The following DOCK2 variants were observed in gnomAD, a reference collection of about 807,000 sequenced individuals.
The protein encoded by DOCK2 is dedicator of cytokinesis protein 2.
Under a neutral mutation model 248.9 loss-of-function variants are expected in DOCK2, and 87 were observed. The observed-to-expected ratio is 0.35, with a 90% CI of 0.29 to 0.42. DOCK2 has a LOEUF of 0.42. Among genes scored for constraint, DOCK2 ranks in the 10% least tolerant of loss-of-function variants. The pLI is 1.00. For synonymous variants in DOCK2, 805 were observed against 821.6 expected (o/e 0.98, Z 0.35); for missense variants, 1,747 against 2,300.2 (o/e 0.76, Z 4.92).
chr5:169,694,994 A>T (rs1266926609), intron 9 of DOCK2, among the ~76,000 whole-genome samples: 1 of 152,156 alleles, frequency 6.6e-6, no homozygotes, highest in East Asian at 1.9e-4. Flanking sequence ...AAAATAAATA[A>T]ATAAACAAAC....
At chr5:169,716,534 G>C (rs532663327) in intron 20 of DOCK2, among the ~76,000 whole-genome samples, 143 of 152,328 alleles carry the variant, frequency 9.4e-4, no homozygotes, top group African/African-American at 3.4e-3. Flanking sequence ...TTTAAATGCT[G>C]ATGTCAGATT....
intron 28 of DOCK2, among the ~76,000 whole-genome samples, chr5:169,985,052 A>G (rs1778031124): frequency 6.6e-6 from 1 of 152,060 alleles, no homozygotes; most frequent in South Asian, 2.1e-4. Context: ...AGTAGCTGGG[A>G]TTACAGTGTC....
At chr5:169,786,470 C>T (rs1176507668) in intron 25 of DOCK2, among the ~76,000 whole-genome samples, 3 of 152,012 alleles carry the variant, frequency 2.0e-5, no homozygotes, top group Non-Finnish European at 4.4e-5. Flanking sequence ...ATGATGAAAC[C>T]GAGCTGAAAT....
At chr5:170,062,346 G>T (rs1337462523) in intron 44 of DOCK2, among the ~76,000 whole-genome samples, 1 of 152,090 alleles carries the variant, frequency 6.6e-6, no homozygotes, top group Non-Finnish European at 1.5e-5. Flanking sequence ...AAATGCACCA[G>T]ATAAATATCT....
At chr5:169,721,500 G>A (rs944877168) in intron 22 of DOCK2, among the ~76,000 whole-genome samples, 1 of 152,202 alleles carries the variant, frequency 6.6e-6, no homozygotes, top group African/African-American at 2.4e-5. Context: ...CATCTTCTGT[G>A]GGAAACTAGA....
chr5:169,855,543 GA>G (rs1770843262), intron 27 of DOCK2, among the ~76,000 whole-genome samples: 1 of 152,176 alleles, frequency 6.6e-6, no homozygotes, highest in Admixed American at 6.5e-5. Flanking sequence ...TGCAACTAGA[GA>G]TATAAAAACC....
chr5:169,718,380 C>G (rs1762015552), intron 21 of DOCK2, among the ~76,000 whole-genome samples: 2 of 152,120 alleles, frequency 1.3e-5, no homozygotes, highest in African/African-American at 4.8e-5. Context: ...CCCCATTATT[C>G]CCACTTGTAG....
At chr5:170,008,437 C>A in intron 30 of DOCK2, 60 bp from the exon 31 acceptor site, 1 of 1,555,376 alleles carries the variant, frequency 6.4e-7, no homozygotes, top group East Asian at 2.2e-5. Flanking sequence ...CACTACCCAG[C>A]GCTTATGCCT....
intron 26 of DOCK2, among the ~76,000 whole-genome samples, chr5:169,805,373 G>A (rs1767296484): frequency 6.6e-6 from 1 of 152,102 alleles, no homozygotes; most frequent in East Asian, 1.9e-4. Context: ...CTGCACTTCA[G>A]CCCAGGTGAC....
intron 26 of DOCK2, among the ~76,000 whole-genome samples, chr5:169,815,054 T>C (rs1767981515): frequency 6.6e-6 from 1 of 152,214 alleles, no homozygotes; most frequent in South Asian, 2.1e-4. Flanking sequence ...TGGAGGAGCA[T>C]AGGAGCCTGT....
At chr5:170,074,864 C>T (rs565912217) in intron 46 of DOCK2, among the ~76,000 whole-genome samples, 6 of 152,200 alleles carry the variant, frequency 3.9e-5, no homozygotes, top group South Asian at 2.1e-4. Flanking sequence ...TCAGCTCACC[C>T]GCCTTCTCTG....
intron 25 of DOCK2, among the ~76,000 whole-genome samples, chr5:169,784,250 A>G (rs1322589351): frequency 6.6e-6 from 1 of 152,226 alleles, no homozygotes; most frequent in Non-Finnish European, 1.5e-5. Context: ...AATGCAATCA[A>G]CAACCACACA....
chr5:169,750,857 A>C (rs1342820687), intron 23 of DOCK2, among the ~76,000 whole-genome samples: 1 of 152,264 alleles, frequency 6.6e-6, no homozygotes, highest in Non-Finnish European at 1.5e-5. Flanking sequence ...GAACTTAATG[A>C]TGAGGGCAGA....
intron 26 of DOCK2, among the ~76,000 whole-genome samples, chr5:169,833,573 G>A (rs1354100210): frequency 2.6e-5 from 4 of 152,200 alleles, no homozygotes; most frequent in Non-Finnish European, 5.9e-5. Context: ...GATCAGCTGA[G>A]AGCCTGTTCC....
At chr5:169,973,589 G>C (rs762429016) in intron 27 of DOCK2, among the ~76,000 whole-genome samples, 1 of 152,128 alleles carries the variant, frequency 6.6e-6, no homozygotes, top group African/African-American at 2.4e-5. Context: ...AGGAGAGCTG[G>C]CATTGATCCC....
intron 32 of DOCK2, among the ~76,000 whole-genome samples, chr5:170,017,896 G>A (rs1410636001): frequency 1.3e-5 from 2 of 151,968 alleles, no homozygotes; most frequent in African/African-American, 4.9e-5. Context: ...CTTCTCAACA[G>A]CTGGGTATCA....
chr5:169,904,083 C>G (rs1170045238), intron 27 of DOCK2, among the ~76,000 whole-genome samples: 2 of 123,386 alleles, frequency 1.6e-5, no homozygotes, highest in Non-Finnish European at 3.2e-5. Context: ...CAGAGCAAGA[C>G]TTCGTCTCAA....
At chr5:169,745,439 G>A (rs768669046) in intron 22 of DOCK2, among the ~76,000 whole-genome samples, 1 of 152,186 alleles carries the variant, frequency 6.6e-6, no homozygotes, top group East Asian at 1.9e-4. Flanking sequence ...TTCCCATGTG[G>A]GTTGATCCTC....
intron 40 of DOCK2, 83 bp downstream of exon 40, chr5:170,047,697 G>C (rs1391755337): frequency 7.5e-7 from 1 of 1,328,466 alleles, no homozygotes; most frequent in Middle Eastern, 2.0e-4. Flanking sequence ...TTGAGGATTT[G>C]CTTGTGCTCA....
Sources: allele counts gnomAD v4.1 joint callset (sites outside exome capture counted in the v4.1 genomes callset), GRCh38; gene constraint gnomAD v4.1.1; transcripts MANE v1.5; gene names NCBI Gene and HGNC (gene_info 2026-07-23, HGNC 2026-07-21).